Variants in DENND2B observed in about 807,000 individuals in gnomAD.
The protein encoded by DENND2B is DENN domain containing 2B, also known as DENN domain-containing protein 2B.
Under a neutral mutation model 116.0 loss-of-function variants are expected in DENND2B, and 32 were observed. The observed-to-expected ratio is 0.28, with a 90% CI of 0.21 to 0.37. The LOEUF (loss-of-function observed/expected upper bound fraction) is 0.37. Among genes scored for constraint, DENND2B ranks in the 10% least tolerant of loss-of-function variants. The pLI is 1.00. For synonymous variants in DENND2B, 588 were observed against 583.9 expected, an observed-to-expected ratio of 1.01 and a Z score of -0.10; for missense variants, 1,276 against 1,477.7, an observed-to-expected ratio of 0.86 and a Z score of 2.24.
intron 2 of DENND2B, among the ~76,000 whole-genome samples, chr11:8,863,446 G>C (rs1021026357): frequency 6.6e-6 from 1 of 151,732 alleles, no homozygotes. Flanking sequence ...TATTAGCCAG[G>C]ATGGTCTCTA....
intron 4 of DENND2B, among the ~76,000 whole-genome samples, chr11:8,829,477 T>A (rs1010796972): frequency 6.6e-6 from 1 of 152,138 alleles, no homozygotes; most frequent in African/African-American, 2.4e-5. Flanking sequence ...ATATACATTA[T>A]TTTTGTGCAC....
intron 6 of DENND2B, 73 bp downstream of exon 6, chr11:8,715,530 G>A (rs754388103): frequency 1.3e-6 from 2 of 1,498,134 alleles, no homozygotes; most frequent in East Asian, 2.3e-5. Flanking sequence ...AGGAAGCCAG[G>A]AAAGAGAGAG....
chr11:8,892,675 C>T (rs185373608), intron 1 of DENND2B, among the ~76,000 whole-genome samples: 1 of 152,318 alleles, frequency 6.6e-6, no homozygotes, highest in East Asian at 1.9e-4. Flanking sequence ...TGGACACATA[C>T]ACCCTCCCAA....
chr11:8,847,075 CTT>C (rs1160937083), intron 3 of DENND2B, among the ~76,000 whole-genome samples: 2 of 152,328 alleles, frequency 1.3e-5, no homozygotes, highest in South Asian at 2.1e-4. Flanking sequence ...CTTTCATAGT[CTT>C]TGGCTTAGGG....
chr11:8,783,721 G>A (rs1031866569), intron 1 of DENND2B, among the ~76,000 whole-genome samples: 2 of 152,092 alleles, frequency 1.3e-5, no homozygotes, highest in Admixed American at 1.3e-4. Context: ...AGAAAATAAG[G>A]ACAATCTGGT....
At chr11:8,840,128 G>A (rs1485271864) in intron 3 of DENND2B, among the ~76,000 whole-genome samples, 2 of 152,014 alleles carry the variant, frequency 1.3e-5, no homozygotes, top group African/African-American at 2.4e-5. Context: ...CAGCGAGAAT[G>A]AGACTAATGT....
At chr11:8,710,486 T>A (rs2043409108) in intron 11 of DENND2B, among the ~76,000 whole-genome samples, 1 of 151,922 alleles carries the variant, frequency 6.6e-6, no homozygotes, top group African/African-American at 2.4e-5. Flanking sequence ...TGGGGGCGAT[T>A]CGATCCTGCA....
intron 5 of DENND2B, among the ~76,000 whole-genome samples, chr11:8,717,223 T>G (rs1187889729): frequency 6.6e-6 from 1 of 152,192 alleles, no homozygotes; most frequent in Non-Finnish European, 1.5e-5. Flanking sequence ...AGATTCATGC[T>G]TACTCTCTCC....
At chr11:8,822,935 C>T (rs1331184494) in intron 4 of DENND2B, among the ~76,000 whole-genome samples, 1 of 152,124 alleles carries the variant, frequency 6.6e-6, no homozygotes, top group Non-Finnish European at 1.5e-5. Context: ...GGCAAGGACT[C>T]AGAGAAGGAA....
intron 17 of DENND2B, 64 bp from the exon 18 acceptor site, chr11:8,696,730 C>T: frequency 1.3e-6 from 2 of 1,587,180 alleles, no homozygotes; most frequent in Non-Finnish European, 1.7e-6. Context: ...CCTCAATCTT[C>T]CTGGTGTAGT....
chr11:8,824,396 A>G (rs773081580), intron 4 of DENND2B, among the ~76,000 whole-genome samples: 1 of 151,756 alleles, frequency 6.6e-6, no homozygotes, highest in Non-Finnish European at 1.5e-5. Flanking sequence ...CTTCTCCTCT[A>G]TGTGTCCATG....
intron 1 of DENND2B, among the ~76,000 whole-genome samples, chr11:8,886,198 G>A (rs1221815690): frequency 6.6e-6 from 1 of 152,092 alleles, no homozygotes; most frequent in Non-Finnish European, 1.5e-5. Context: ...GCCTCCCAAA[G>A]TGCTGGGATT....
chr11:8,750,591 G>A, intron 2 of DENND2B, 30 bp downstream of exon 2: 1 of 1,595,080 alleles, frequency 6.3e-7, no homozygotes, highest in Non-Finnish European at 8.6e-7. Context: ...GTCCCTTGAT[G>A]CCACCTCCCA....
intron 1 of DENND2B, chr11:8,785,846 T>C (rs2058852274): frequency 6.6e-6 from 1 of 152,198 alleles, no homozygotes; most frequent in Admixed American, 6.5e-5. Flanking sequence ...AGTATAAGGA[T>C]TAAACAAAAT....
intron 2 of DENND2B, among the ~76,000 whole-genome samples, chr11:8,738,529 C>T (rs963439030): frequency 6.6e-6 from 1 of 152,124 alleles, no homozygotes; most frequent in Non-Finnish European, 1.5e-5. Flanking sequence ...TCCCCAAACA[C>T]ATTGATCTAC....
chr11:8,781,520 C>T (rs770288196), intron 1 of DENND2B, among the ~76,000 whole-genome samples: 1 of 152,106 alleles, frequency 6.6e-6, no homozygotes, highest in Non-Finnish European at 1.5e-5. Context: ...TAAAACTATT[C>T]CCAGAGTCAG....
At chr11:8,817,152 T>G (rs1437589844) in intron 4 of DENND2B, among the ~76,000 whole-genome samples, 2 of 152,180 alleles carry the variant, frequency 1.3e-5, no homozygotes, top group Non-Finnish European at 2.9e-5. Context: ...TTGCTCAGAC[T>G]CACCCCTATC....
At chr11:8,817,832 G>A (rs34023999) in intron 4 of DENND2B, among the ~76,000 whole-genome samples, 35,194 of 151,728 alleles carry the variant, frequency 0.23, 4,589 homozygotes, top group Middle Eastern at 0.4. Context: ...AAATCCACAG[G>A]CCCCTGACCA....
At chr11:8,892,005 A>G (rs1217741541) in intron 1 of DENND2B, among the ~76,000 whole-genome samples, 2 of 152,250 alleles carry the variant, frequency 1.3e-5, no homozygotes, top group African/African-American at 4.8e-5. Context: ...AGCACTCCTC[A>G]GCAAATGTAA....
Sources: allele counts gnomAD v4.1 joint callset (sites outside exome capture counted in the v4.1 genomes callset), GRCh38; gene constraint gnomAD v4.1.1; transcripts MANE v1.5; gene names NCBI Gene and HGNC (gene_info 2026-07-23, HGNC 2026-07-21).